Variants in LSP1 observed in about 807,000 individuals in gnomAD.
The protein encoded by LSP1 is lymphocyte specific protein 1.
Under a neutral mutation model 49.3 loss-of-function variants are expected in LSP1, and 32 were observed. The ratio of observed to expected loss-of-function variants is 0.65; its 90% CI spans 0.49 to 0.87. LSP1 has a LOEUF of 0.87. LSP1 is among the 40% of genes least tolerant of loss of function. The pLI is 0.00. For missense variants in LSP1, 428 were observed against 442.6 expected (o/e 0.97, Z 0.30); for synonymous variants, 179 against 178.8 (o/e 1.00, Z -0.01).
chr11:1,887,677 A>C, intron 10 of LSP1, 101 bp downstream of exon 10: 1 of 849,556 alleles, frequency 1.2e-6, no homozygotes, highest in African/African-American at 1.7e-5. Flanking sequence ...GTTGCAGGCT[A>C]CAAGGGTGGA....
In LSP1 at chr11:1,884,593, C is replaced by T; in HGVS notation, c.717+12C>T. The T allele has an allele frequency of 1.2e-6, 2 of 1,610,906 alleles. No homozygotes were observed. Among genetic ancestry groups the T allele is most frequent in the Non-Finnish European group, 1.7e-6 (2 of 1,177,378 alleles). Reference sequence around the variant, plus strand: ...CCCAGGCCATCGAGGTATGACCTGGCTCCCCTCTGCTGTCAGGTCCCTCCT... The same window carrying T: ...CCCAGGCCATCGAGGTATGACCTGGTTCCCCTCTGCTGTCAGGTCCCTCCT... On this transcript the variant is annotated intron_variant, in intron 7 of 10. Coordinates refer to ENST00000311604, the MANE Select transcript of LSP1 (RefSeq NM_002339.3). This position sits in a 1 kb window ranked among gnomAD's most constrained non-coding sequence, Gnocchi z 4.1.
At chr11:1,887,374 G>T in intron 9 of LSP1, 60 bp downstream of exon 9, 1 of 1,572,480 alleles carries the variant, frequency 6.4e-7, no homozygotes, top group Non-Finnish European at 8.7e-7. Flanking sequence ...GGCAAAGAGG[G>T]ACTGTCCTCT....
intron 1 of LSP1, among the ~76,000 whole-genome samples, chr11:1,874,263 G>A (rs1589819553): frequency 1.1e-5 from 1 of 92,524 alleles, no homozygotes; most frequent in South Asian, 4.3e-4. Flanking sequence ...GGCAGGCTGG[G>A]GACAGTGGGG....
chr11:1,890,757 T>G, intron 10 of LSP1: 1 of 597,028 alleles, frequency 1.7e-6, no homozygotes, highest in Non-Finnish European at 3.0e-6. Flanking sequence ...AGCTCGACTG[T>G]GCCTTGGGGA....
At chr11:1,878,056 C>T (rs987356258) in intron 1 of LSP1, among the ~76,000 whole-genome samples, 5 of 152,072 alleles carry the variant, frequency 3.3e-5, no homozygotes, top group East Asian at 3.9e-4. Context: ...CTGGACCCAT[C>T]GGAAGCCCAG....
chr11:1,887,423 C>T (rs746908333), intron 9 of LSP1, 51 bp from the exon 10 acceptor site: 17 of 1,574,350 alleles, frequency 1.1e-5, no homozygotes, highest in Non-Finnish European at 1.5e-5. Flanking sequence ...GAGGCAGCAT[C>T]ATCTCCTTTC....
At chr11:1,876,879 G>A (rs1374181589) in intron 1 of LSP1, among the ~76,000 whole-genome samples, 3 of 152,196 alleles carry the variant, frequency 2.0e-5, no homozygotes, top group Non-Finnish European at 4.4e-5. Flanking sequence ...CCTGGCTGGG[G>A]GCCAGGCCCC....
At chr11:1,871,959 C>T (rs1453940405) in intron 1 of LSP1, among the ~76,000 whole-genome samples, 1 of 147,128 alleles carries the variant, frequency 6.8e-6, no homozygotes, top group African/African-American at 2.5e-5. Context: ...GGGCTGTAGT[C>T]ACCCTGGCGC....
rs956788811 is a variant in LSP1, at chr11:1,886,652, A to C, written c.718-80A>C. On this transcript the variant is annotated intron_variant, in intron 7 of 10. Coordinates refer to ENST00000311604, the MANE Select transcript of LSP1 (RefSeq NM_002339.3). The stretch of plus-strand genomic sequence containing the variant: ...CAGGGAAAACACAAACACAAAGCAG[A>C]CGGTTGCCCAGTGTGACCCTCTGAT... 4.2e-6 allele frequency: 6 copies of C among 1,443,730 alleles called. No homozygotes were observed. In the African/African-American group the frequency reaches 8.6e-5, roughly 21 times the overall value. The allele number at this position is 1,443,730 out of a possible 1,614,324, so 89.4% of individuals were successfully genotyped here. A position where few individuals can be genotyped will look rare whatever the true frequency, so the allele number is the denominator to read the frequency against.
chr11:1,864,059 A>T, intron 1 of LSP1: 1 of 192,206 alleles, frequency 5.2e-6, no homozygotes, highest in Non-Finnish European at 6.1e-6. Context: ...AGAGGGGAGG[A>T]GGGGAGAGGA....
At chr11:1,887,124 C>A in intron 8 of LSP1, 113 bp from the exon 9 acceptor site, 1 of 1,085,256 alleles carries the variant, frequency 9.2e-7, no homozygotes, top group Non-Finnish European at 1.3e-6. Context: ...TTTAGGTAGG[C>A]AGATCCCAGG....
chr11:1,872,864 G>A (rs1848102374), intron 1 of LSP1, among the ~76,000 whole-genome samples: 1 of 152,126 alleles, frequency 6.6e-6, no homozygotes, highest in African/African-American at 2.4e-5. Context: ...GTTGATGCAG[G>A]AGCTCAGGGC....
chr11:1,871,001 C>G, intron 1 of LSP1: 2 of 985,596 alleles, frequency 2.0e-6, no homozygotes, highest in Non-Finnish European at 2.4e-6. Context: ...TTGGTCCCCT[C>G]CTGCGGGAAG....
In LSP1 at chr11:1,869,625, C is replaced by T. The variant is rs1437807158; in HGVS notation, c.54-10462C>T. ...ACCTAGCAGGTGCCGGGGCAGAAGG[C>T]TCAGAGCCGCTGTCTCACACAGCTT... On this transcript the variant is annotated intron_variant, in intron 1 of 10. Coordinates refer to ENST00000311604, the MANE Select transcript of LSP1 (RefSeq NM_002339.3). 1.5e-5 allele frequency: 7 copies of T among 470,588 alleles called. No individual in the cohort carries two copies. In the East Asian group the frequency reaches 4.2e-4, roughly 28 times the overall value. 29.2% of individuals were successfully genotyped at this position (470,588 alleles called of 1,614,324 possible).
chr11:1,856,151 C>A (rs1452757809), intron 1 of LSP1, among the ~76,000 whole-genome samples: 1 of 152,238 alleles, frequency 6.6e-6, no homozygotes, highest in East Asian at 1.9e-4. Context: ...CCACAGACAC[C>A]CTGGCTGCCC....
At chr11:1,854,335 G>A (rs1589802168) in intron 1 of LSP1, among the ~76,000 whole-genome samples, 1 of 152,120 alleles carries the variant, frequency 6.6e-6, no homozygotes, top group African/African-American at 2.4e-5. Flanking sequence ...CTGCAGCCAG[G>A]GCTGCTACCA....
At chr11:1,889,118 T>C in intron 10 of LSP1, 1 of 619,316 alleles carries the variant, frequency 1.6e-6, no homozygotes, top group South Asian at 1.9e-5. Flanking sequence ...CCCATGGTCC[T>C]GGGCTCTGGG....
chr11:1,874,051 G>A (rs1446716905), intron 1 of LSP1, among the ~76,000 whole-genome samples: 1 of 136,926 alleles, frequency 7.3e-6, no homozygotes, highest in East Asian at 2.2e-4. Flanking sequence ...GAGGGAGGCT[G>A]GCAGAGCAGG....
At chr11:1,889,486 C>T (rs1259971691) in intron 10 of LSP1, 1 of 620,860 alleles carries the variant, frequency 1.6e-6, no homozygotes, top group South Asian at 1.9e-5. Flanking sequence ...GTGGGCACCT[C>T]TGGCTCCAGG....
Sources: allele counts gnomAD v4.1 joint callset (sites outside exome capture counted in the v4.1 genomes callset), GRCh38; gene constraint gnomAD v4.1.1; non-coding constraint Gnocchi (gnomAD v3.1); transcripts MANE v1.5; gene names NCBI Gene and HGNC (gene_info 2026-07-23, HGNC 2026-07-21).